SAFB2: variants seen among roughly 807,000 people sequenced by gnomAD.
The protein encoded by SAFB2 is scaffold attachment factor B2.
SAFB2 carries 32 observed loss-of-function variants against 100.6 expected under a neutral mutation model. The observed-to-expected ratio is 0.32, with a 90% CI of 0.24 to 0.43. SAFB2 has a LOEUF of 0.43. Among genes scored for constraint, SAFB2 ranks in the 20% least tolerant of loss-of-function variants. SAFB2 has a pLI of 1.00. For synonymous variants in SAFB2, 500 were observed against 439.4 expected, an observed-to-expected ratio of 1.14 and a Z score of -1.72; for missense variants, 1,185 against 1,163.4, an observed-to-expected ratio of 1.02 and a Z score of -0.27.
chr19:5,607,036 A>G (rs542175198), intron 9 of SAFB2, among the ~76,000 whole-genome samples: 1 of 152,256 alleles, frequency 6.6e-6, no homozygotes, highest in African/African-American at 2.4e-5. Context: ...CCGAGGTGGG[A>G]GGATCACGAG....
chr19:5,587,088 TAAAA>T lies in SAFB2; in HGVS notation c.*151_*154del, dbSNP rs761417725. ...ATGGCAGAACAAGAACACATTTATT[TAAAA>T]AAAAAAAAAAAGTGAGTTCACATTG... On this transcript the variant is annotated 3_prime_UTR_variant, in exon 21 of 21. Transcript: ENST00000252542. This position sits in a 1 kb window ranked among gnomAD's most constrained non-coding sequence, Gnocchi z 4.9. 14 of 790,890 alleles carry T rather than the reference TAAAA, an allele frequency of 1.8e-5. No homozygotes were observed. The East Asian group carries it at 3.4e-4, about 19-fold the overall frequency. 49.0% of individuals were successfully genotyped at this position (790,890 alleles called of 1,614,324 possible). A position where few individuals can be genotyped will look rare whatever the true frequency, so the allele number is the denominator to read the frequency against.
rs1031809770 is a variant in SAFB2, at chr19:5,616,497, A to G, written c.275-11T>C. On this transcript the variant is annotated splice_polypyrimidine_tract_variant and intron_variant, in intron 2 of 20. Coordinates refer to ENST00000252542, the MANE Select transcript of SAFB2 (RefSeq NM_014649.3). ...CCTCCATCTTCAGTCCTAATTACAG[A>G]ATAATTGTTCAATCAGATAACACTC... The G allele has an allele frequency of 3.7e-6, 6 of 1,610,682 alleles. No homozygotes were observed. Among genetic ancestry groups the G allele is most frequent in the Non-Finnish European group, 5.1e-6 (6 of 1,177,226 alleles).
At chr19:5,621,107 T>C (rs2053130713) in intron 2 of SAFB2, among the ~76,000 whole-genome samples, 1 of 152,190 alleles carries the variant, frequency 6.6e-6, no homozygotes, top group African/African-American at 2.4e-5. Flanking sequence ...TTAATTGCAC[T>C]TGGCACCTGT....
At position 5,610,168 on chromosome 19, in the gene SAFB2, G is replaced by A. The variant is rs983888033; in HGVS notation, c.1196-73C>T. On this transcript the variant is annotated intron_variant, in intron 8 of 20. Transcript: ENST00000252542. ...AAGCACAACCATTCTTAAGACCGCAGCCCTCTTTAAAAACCCTAACGACGC... is the reference window on the plus strand; with the variant it reads ...AAGCACAACCATTCTTAAGACCGCAACCCTCTTTAAAAACCCTAACGACGC... The A allele has an allele frequency of 2.7e-5, 35 of 1,275,814 alleles. No homozygotes were observed. The African/African-American group carries it at 5.0e-4, about 18-fold the overall frequency. The allele number at this position is 1,275,814 out of a possible 1,614,324, so 79.0% of individuals were successfully genotyped here.
At chr19:5,608,036 A>G (rs2145345062) in intron 9 of SAFB2, among the ~76,000 whole-genome samples, 1 of 152,300 alleles carries the variant, frequency 6.6e-6, no homozygotes, top group East Asian at 1.9e-4. Flanking sequence ...GCACCATACT[A>G]AGCTTGTATG....
intron 14 of SAFB2, 142 bp from the exon 15 acceptor site, chr19:5,594,320 G>T: frequency 1.0e-6 from 1 of 994,630 alleles, no homozygotes; most frequent in Non-Finnish European, 1.4e-6. Context: ...AGCTGCGCGT[G>T]CAGGGGGTTA....
At chr19:5,593,535 C>T in intron 15 of SAFB2, 1 of 230,470 alleles carries the variant, frequency 4.3e-6, no homozygotes. Context: ...GCAGAGTCAG[C>T]GGTGGCCAAC....
chr19:5,590,200 G>A (rs1217118609), intron 18 of SAFB2, 78 bp downstream of exon 18: 4 of 1,298,458 alleles, frequency 3.1e-6, no homozygotes, highest in South Asian at 3.3e-5. Context: ...CAAACCTTGG[G>A]GACGTGCCTG....
rs113123495 is a variant in SAFB2, at chr19:5,587,529, C to T, written c.2706-130G>A. On this transcript the variant is annotated intron_variant, in intron 20 of 20. Transcript: ENST00000252542. The surrounding 1 kb of genome is among the most constrained non-coding windows in gnomAD (Gnocchi z 4.9). ...TTTTCCAGGTGAGAAAAATCATCAT[C>T]GCACATTGTATTCCAGGTAACTCAA... is the stretch of plus-strand genomic sequence containing the variant. 53,803 of 1,473,546 alleles carry T rather than the reference C, an allele frequency of 0.037. 1,111 individuals carry two copies. The highest frequency in any genetic ancestry group is 0.044 in the Middle Eastern group (246 of 5,600). The allele number at this position is 1,473,546 out of a possible 1,614,324, so 91.3% of individuals were successfully genotyped here. A position where few individuals can be genotyped will look rare whatever the true frequency, so the allele number is the denominator to read the frequency against.
intron 2 of SAFB2, among the ~76,000 whole-genome samples, chr19:5,619,845 C>CAAA (rs1275954240): frequency 5.8e-5 from 6 of 103,696 alleles, no homozygotes; most frequent in South Asian, 3.0e-4. Flanking sequence ...AACTCCATCG[C>CAAA]AAAAAAAAAA....
intron 2 of SAFB2, among the ~76,000 whole-genome samples, chr19:5,619,523 A>G (rs1462712380): frequency 6.6e-6 from 1 of 152,190 alleles, no homozygotes; most frequent in Non-Finnish European, 1.5e-5. Flanking sequence ...TAGTTTTTCT[A>G]ATGATGCAAA....
At chr19:5,608,162 G>A (rs1289643737) in intron 9 of SAFB2, among the ~76,000 whole-genome samples, 1 of 152,122 alleles carries the variant, frequency 6.6e-6, no homozygotes, top group Non-Finnish European at 1.5e-5. Context: ...GTCCAGAGCT[G>A]AGCCCCACAG....
At chr19:5,588,834 A>C (rs1282216210) in intron 18 of SAFB2, 2 of 152,276 alleles carry the variant, frequency 1.3e-5, no homozygotes, top group Non-Finnish European at 2.9e-5. Context: ...CACTGACTGC[A>C]CACGTGAAAC....
At chr19:5,617,928 G>A (rs2053066452) in intron 2 of SAFB2, among the ~76,000 whole-genome samples, 1 of 152,180 alleles carries the variant, frequency 6.6e-6, no homozygotes, top group African/African-American at 2.4e-5. Flanking sequence ...GCTCGCTTGA[G>A]CCTAGGAATT....
At chr19:5,612,059 G>A (rs1056301542) in intron 6 of SAFB2, 13 of 340,890 alleles carry the variant, frequency 3.8e-5, no homozygotes, top group East Asian at 7.8e-5. Context: ...CTCTTCTGAC[G>A]GTGGGAGATA....
At chr19:5,598,074 G>T (rs2145327627) in intron 13 of SAFB2, among the ~76,000 whole-genome samples, 1 of 149,340 alleles carries the variant, frequency 6.7e-6, no homozygotes, top group East Asian at 2.0e-4. Context: ...GGCAGTGGTT[G>T]CAGTGAGCAG....
At chr19:5,595,642 G>A in intron 13 of SAFB2, 145 bp from the exon 14 acceptor site, 1 of 978,974 alleles carries the variant, frequency 1.0e-6, no homozygotes. Flanking sequence ...CAGAGGCCCA[G>A]GCATAGGCTG....
chr19:5,610,233 A>G (rs867661775), intron 8 of SAFB2, 138 bp from the exon 9 acceptor site: 3 of 666,964 alleles, frequency 4.5e-6, no homozygotes, highest in South Asian at 1.7e-5. Context: ...ACGCACACAC[A>G]CATGCCAACA....
chr19:5,602,606 G>A (rs1475656725), intron 11 of SAFB2, among the ~76,000 whole-genome samples: 7 of 151,268 alleles, frequency 4.6e-5, no homozygotes, highest in Admixed American at 1.3e-4. Flanking sequence ...GGCAGGGCGC[G>A]CTCCCCTCTC....
Sources: allele counts gnomAD v4.1 joint callset (sites outside exome capture counted in the v4.1 genomes callset), GRCh38; gene constraint gnomAD v4.1.1; non-coding constraint Gnocchi (gnomAD v3.1); transcripts MANE v1.5; gene names NCBI Gene and HGNC (gene_info 2026-07-23, HGNC 2026-07-21).